The following AGBL4 variants were observed in gnomAD, a reference collection of about 807,000 sequenced individuals.
AGBL4 encodes the protein AGBL carboxypeptidase 4, also known as cytosolic carboxypeptidase 6.
Under a neutral mutation model 66.4 loss-of-function variants are expected in AGBL4, and 58 were observed. The ratio of observed to expected loss-of-function variants is 0.87; its 90% CI spans 0.71 to 1.09. AGBL4 has a LOEUF of 1.09. AGBL4 is among the 50% of genes least tolerant of loss of function. The probability of loss-of-function intolerance (pLI) is 0.00; values close to 1 mark genes in which losing one functional copy is unlikely to be tolerated. For missense variants in AGBL4, 579 were observed against 631.0 expected (o/e 0.92, Z 0.88); for synonymous variants, 234 against 222.9 (o/e 1.05, Z -0.44).
intron 3 of AGBL4, among the ~76,000 whole-genome samples, chr1:49,438,311 C>T (rs1353106677): frequency 1.3e-5 from 2 of 152,176 alleles, no homozygotes; most frequent in Non-Finnish European, 2.9e-5. Context: ...AGGCTCACTT[C>T]CCTGAGAAAG....
intron 3 of AGBL4, among the ~76,000 whole-genome samples, chr1:49,382,781 A>G (rs1644650377): frequency 6.6e-6 from 1 of 152,216 alleles, no homozygotes; most frequent in Admixed American, 6.5e-5. Context: ...TTTCCAATTA[A>G]AAACCTTTTA....
At chr1:49,883,288 T>G (rs1010882378) in intron 1 of AGBL4, among the ~76,000 whole-genome samples, 1 of 152,114 alleles carries the variant, frequency 6.6e-6, no homozygotes, top group Non-Finnish European at 1.5e-5. Context: ...CCTGGATATA[T>G]GCATATTTGT....
intron 4 of AGBL4, among the ~76,000 whole-genome samples, chr1:49,109,311 G>A (rs543464515): frequency 6.6e-6 from 1 of 152,168 alleles, no homozygotes; most frequent in African/African-American, 2.4e-5. Flanking sequence ...GCACTGGAGT[G>A]CACTGTCTGC....
Position 49,514,674 on chromosome 1 carries a change from G to C in AGBL4, c.282+182639C>G, listed in dbSNP as rs1649608616. Among the ~76,000 whole-genome samples the C allele has an allele frequency of 2.6e-5, 4 of 152,028 alleles. No individual in the cohort carries two copies. In the South Asian group the frequency reaches 8.3e-4, roughly 32 times the overall value. On this transcript the variant is annotated intron_variant, in intron 3 of 13. Transcript: ENST00000371839. ...ACGGTAACCAAAACAGCATGGTACT[G>C]GTACCAAAACAGAGATATAGATCAA...
At chr1:49,799,266 T>G (rs927842812) in intron 2 of AGBL4, among the ~76,000 whole-genome samples, 174 of 152,182 alleles carry the variant, frequency 1.1e-3, no homozygotes, top group African/African-American at 4.0e-3. Context: ...GATAATAACT[T>G]TATATGTCAA....
chr1:49,741,113 A>C lies in AGBL4; in HGVS notation c.158-43676T>G, dbSNP rs922715990. ...TTCAAAAAATCAATGAACCCAGGAG[A>C]TGGTTTTTCGAAAGGATCAACAAAA... On this transcript the variant is annotated intron_variant, in intron 2 of 13. Transcript: ENST00000371839. Among the ~76,000 whole-genome samples the C allele has an allele frequency of 9.2e-5, 14 of 152,178 alleles. No individual in the cohort carries two copies. The East Asian group carries it at 2.7e-3, about 29-fold the overall frequency.
intron 3 of AGBL4, among the ~76,000 whole-genome samples, chr1:49,608,423 A>G (rs1282900635): frequency 3.3e-5 from 5 of 152,136 alleles, no homozygotes; most frequent in Non-Finnish European, 7.4e-5. Flanking sequence ...ATGAGGGCCC[A>G]AAGAGCCTAA....
intron 3 of AGBL4, among the ~76,000 whole-genome samples, chr1:49,633,965 T>C (rs934786597): frequency 4.1e-5 from 6 of 147,024 alleles, no homozygotes; most frequent in Non-Finnish European, 1.5e-5. Context: ...TTTTTTTTCA[T>C]AATATTTTAA....
intron 1 of AGBL4, among the ~76,000 whole-genome samples, chr1:49,903,854 T>A (rs1053399450): frequency 5.9e-5 from 9 of 152,132 alleles, no homozygotes; most frequent in African/African-American, 1.9e-4. Flanking sequence ...AGGGTCTGAT[T>A]AGCAGTCTCA....
chr1:49,199,113 A>T (rs1647479373), intron 4 of AGBL4, among the ~76,000 whole-genome samples: 6 of 152,200 alleles, frequency 3.9e-5, no homozygotes, highest in Admixed American at 3.9e-4. Context: ...CCAGTGTTAA[A>T]TATCTGTCAT....
intron 2 of AGBL4, among the ~76,000 whole-genome samples, chr1:49,830,139 G>A (rs1288903052): frequency 6.6e-6 from 1 of 152,112 alleles, no homozygotes; most frequent in African/African-American, 2.4e-5. Context: ...ACCAGTAGTG[G>A]GATTGCTGGG....
intron 1 of AGBL4, among the ~76,000 whole-genome samples, chr1:49,882,834 T>C (rs1376274593): frequency 6.6e-6 from 1 of 152,100 alleles, no homozygotes; most frequent in Non-Finnish European, 1.5e-5. Flanking sequence ...TGTTGAGGCA[T>C]TGTTTGTTTT....
chr1:48,645,774 T>C (rs974659610), intron 8 of AGBL4, among the ~76,000 whole-genome samples: 5 of 152,164 alleles, frequency 3.3e-5, no homozygotes, highest in African/African-American at 1.2e-4. Flanking sequence ...ATCATCACTA[T>C]TACCATTATA....
chr1:48,968,146 T>C (rs1423592949), intron 5 of AGBL4, among the ~76,000 whole-genome samples: 2 of 151,938 alleles, frequency 1.3e-5, no homozygotes, highest in African/African-American at 4.8e-5. Flanking sequence ...TTCCTAGAGA[T>C]AGCAGGAACT....
intron 2 of AGBL4, chr1:49,845,522 T>C (rs1646117804): frequency 2.6e-5 from 41 of 1,584,558 alleles, no homozygotes; most frequent in Non-Finnish European, 3.5e-5. Context: ...GGCAAGGCCT[T>C]GATCCATAGC....
At chr1:49,373,648 G>A (rs1644412488) in intron 3 of AGBL4, among the ~76,000 whole-genome samples, 1 of 152,000 alleles carries the variant, frequency 6.6e-6, no homozygotes, top group Non-Finnish European at 1.5e-5. Flanking sequence ...TCATTTTATG[G>A]AGAAAAAAAT....
chr1:49,909,924 G>T (rs1650649767), intron 1 of AGBL4, among the ~76,000 whole-genome samples: 1 of 152,140 alleles, frequency 6.6e-6, no homozygotes. Context: ...AAAATCAAAA[G>T]TTTATGTCTG....
At chr1:49,141,614 T>G (rs1183259198) in intron 4 of AGBL4, among the ~76,000 whole-genome samples, 1 of 152,010 alleles carries the variant, frequency 6.6e-6, no homozygotes, top group African/African-American at 2.4e-5. Flanking sequence ...ATAAGAAAAC[T>G]GAAGAGGCTA....
intron 3 of AGBL4, among the ~76,000 whole-genome samples, chr1:49,526,638 T>TA (rs1022510708): frequency 5.9e-5 from 9 of 152,008 alleles, no homozygotes; most frequent in Admixed American, 5.2e-4. Flanking sequence ...AATGTATCAT[T>TA]AAAAAAACCT....
Sources: allele counts gnomAD v4.1 joint callset (sites outside exome capture counted in the v4.1 genomes callset), GRCh38; gene constraint gnomAD v4.1.1; transcripts MANE v1.5; gene names NCBI Gene and HGNC (gene_info 2026-07-23, HGNC 2026-07-21).